IQSEC2: variants seen among roughly 807,000 people sequenced by gnomAD.
IQSEC2 encodes IQ motif and Sec7 domain ArfGEF 2.
Under a neutral mutation model 74.6 loss-of-function variants are expected in IQSEC2, and 6 were observed. That is an observed-to-expected ratio of 0.08 (90% CI 0.04 to 0.16). The LOEUF is 0.16. Among genes scored for constraint, IQSEC2 ranks in the 10% least tolerant of loss-of-function variants. The pLI, the probability that IQSEC2 is intolerant of heterozygous loss-of-function variation, is 1.00. For synonymous variants in IQSEC2, 494 were observed against 544.5 expected (o/e 0.91, Z 1.29); for missense variants, 734 against 1,306.2 (o/e 0.56, Z 6.75).
Position 53,256,470 on chromosome X carries a change from C to A in IQSEC2, c.738-409G>T, listed in dbSNP as rs782361154. ...CCCTTACAGCTCCATCCCCTCCTGGCCTTGTCCCCAACGCAGTGCTCGCTG... is the reference window on the plus strand; with the variant it reads ...CCCTTACAGCTCCATCCCCTCCTGGACTTGTCCCCAACGCAGTGCTCGCTG... On this transcript the variant is annotated intron_variant, in intron 2 of 14. Transcript: ENST00000642864. 7.2e-5 allele frequency among the ~76,000 whole-genome samples: 8 copies of A among 110,783 alleles called. No homozygotes were observed. The East Asian group carries it at 1.4e-3, about 20-fold the overall frequency.
chrX:53,235,880 CT>C lies in IQSEC2; in HGVS notation c.3452-49del, dbSNP rs782184377. 1,138 of 1,116,100 alleles carry C rather than the reference CT, an allele frequency of 1.0e-3. 6 individuals are homozygous for C. The highest frequency in any genetic ancestry group is 1.9e-3 in the South Asian group (95 of 49,606). 92.0% of individuals were successfully genotyped at this position (1,116,100 alleles called of 1,213,427 possible). A position where few individuals can be genotyped will look rare whatever the true frequency, so the allele number is the denominator to read the frequency against. On this transcript the variant is annotated intron_variant, in intron 13 of 14. Coordinates refer to ENST00000642864, the MANE Select transcript of IQSEC2 (RefSeq NM_001111125.3). ...CAGCGTCAGAGCAGCAACCCCCCCC[CT>C]ACCCTGCTGGGCTCCAGAGCTGGGC...
chrX:53,288,621 A>G (rs187874488), intron 2 of IQSEC2, among the ~76,000 whole-genome samples: 418 of 112,125 alleles, frequency 3.7e-3, no homozygotes, highest in African/African-American at 0.013. Context: ...ACTATATAGC[A>G]TATGACAATG....
In IQSEC2 at chrX:53,255,865, C is replaced by T; in HGVS notation, c.934G>A (p.Glu312Lys). 8.3e-7 allele frequency: 1 copy of T among 1,202,006 alleles called. No homozygotes were observed. The highest frequency in any genetic ancestry group is 1.1e-6 in the Non-Finnish European group (1 of 887,416). ...GATAGGGCCTTGGAGCGCTTTATCTCCTCCTCCTCCTGCTTCCTCAGGGCG... is the reference window on the plus strand; with the variant it reads ...GATAGGGCCTTGGAGCGCTTTATCTTCTCCTCCTCCTGCTTCCTCAGGGCG... Reference protein sequence around the residue: ...SVALRKQEEEEIKRSKALSDS... With the variant: ...SVALRKQEEEKIKRSKALSDS... The change falls in exon 3 of 15, where the codon GAG becomes AAG. Residue 312 changes from glutamate (E) to lysine (K), a missense_variant. This residue lies in a region of IQSEC2 where 54 missense variants were observed against 62.1 expected (regional missense o/e 0.87). Coordinates refer to ENST00000642864, the MANE Select transcript of IQSEC2 (RefSeq NM_001111125.3).
chrX:53,270,122 C>CAAA (rs1556868411), intron 2 of IQSEC2, among the ~76,000 whole-genome samples: 1 of 110,957 alleles, frequency 9.0e-6, no homozygotes, highest in Non-Finnish European at 1.9e-5. Flanking sequence ...TTTGGGCCTT[C>CAAA]AGCTCTCATA....
chrX:53,310,923 C>G (rs1352295632), intron 1 of IQSEC2, among the ~76,000 whole-genome samples: 3 of 107,383 alleles, frequency 2.8e-5, no homozygotes, highest in African/African-American at 1.0e-4. Context: ...GAGTTCGAGA[C>G]TAGCCTGACC....
At chrX:53,312,750 A>C (rs1027356027) in intron 1 of IQSEC2, among the ~76,000 whole-genome samples, 7 of 112,048 alleles carry the variant, frequency 6.2e-5, no homozygotes, top group African/African-American at 2.3e-4. Context: ...TTATAAGAAA[A>C]TGTGGGGGAA....
intron 2 of IQSEC2, chrX:53,266,409 T>A (rs1195068602): frequency 1.5e-5 from 11 of 751,613 alleles, no homozygotes; most frequent in Non-Finnish European, 1.7e-5. Flanking sequence ...CTGATAATAT[T>A]TACAGAGCAC....
At chrX:53,305,767 C>G (rs782487034) in intron 1 of IQSEC2, among the ~76,000 whole-genome samples, 18 of 111,406 alleles carry the variant, frequency 1.6e-4, no homozygotes, top group African/African-American at 5.5e-4. Flanking sequence ...ATCCCAGAGC[C>G]AAGTGGCACT....
chrX:53,236,487 C>T lies in IQSEC2; in HGVS notation c.3286G>A (p.Glu1096Lys). 8.4e-7 allele frequency: 1 copy of T among 1,195,118 alleles called. No individual in the cohort carries two copies. Among genetic ancestry groups the T allele is most frequent in the Non-Finnish European group, 1.1e-6 (1 of 886,581 alleles). Residue 1096 changes from glutamate (E) to lysine (K), a missense_variant, in exon 13 of 15, where the codon GAG becomes AAG. Around this residue, in one of 12 missense-constraint regions of IQSEC2, gnomAD observed 249 missense variants for 467.9 expected, o/e 0.53. Transcript: ENST00000642864. The part of the protein sequence containing the change: ...MEKYRVESEL[E>K]KQKGMMRPNA... The stretch of plus-strand genomic sequence containing the variant: ...GGCCGCATCATACCTTTCTGCTTCT[C>T]CAGCTCCGCTGGGTGGCAGTCGGGG...
At chrX:53,307,090 T>C (rs1556876808) in intron 1 of IQSEC2, among the ~76,000 whole-genome samples, 1 of 109,455 alleles carries the variant, frequency 9.1e-6, no homozygotes, top group African/African-American at 3.3e-5. Context: ...TTAAACTATC[T>C]AGGATGAGTC....
chrX:53,280,113 C>T lies in IQSEC2; in HGVS notation c.737+11782G>A, dbSNP rs782692613. Among the ~76,000 whole-genome samples, 320 of 104,303 alleles carry T rather than the reference C, an allele frequency of 3.1e-3. 2 individuals are homozygous for T. Among genetic ancestry groups the T allele is most frequent in the African/African-American group, 0.011 (301 of 28,229 alleles). The allele number at this position is 104,303 out of a possible 115,157, so 90.6% of individuals were successfully genotyped here. A position where few individuals can be genotyped will look rare whatever the true frequency, so the allele number is the denominator to read the frequency against. ...TCCGTGGGGACCTCAGCCACAGAGA[C>T]GCTGGGACACCACAGTAGGGAAGGG... is the stretch of plus-strand genomic sequence containing the variant. On this transcript the variant is annotated intron_variant, in intron 2 of 14. Coordinates refer to ENST00000642864, the MANE Select transcript of IQSEC2 (RefSeq NM_001111125.3).
In IQSEC2 at chrX:53,251,055, G is replaced by A. The variant is rs148197545; in HGVS notation, c.1521C>T (p.Asp507=). 8.3e-7 allele frequency: 1 copy of A among 1,211,752 alleles called. No homozygotes were observed. Among genetic ancestry groups the A allele is most frequent in the African/African-American group, 1.7e-5 (1 of 57,752 alleles). ...EKRESKEQQE[D]SSATSFSDLP... is the part of the protein sequence containing the mutation. ...GATCACTGAAGGATGTGGCTGAGCT[G>A]TCCTCTTGCTGTTCCTTTGACTCCC... Residue 507 remains aspartate (D), a synonymous_variant, in exon 5 of 15, where the codon GAC becomes GAT. Transcript: ENST00000642864.
intron 1 of IQSEC2, among the ~76,000 whole-genome samples, chrX:53,296,798 G>A (rs2075157741): frequency 1.8e-5 from 2 of 111,075 alleles, no homozygotes; most frequent in Admixed American, 9.6e-5. Flanking sequence ...CTGACCTCAA[G>A]TGATCTGCCC....
Position 53,250,188 on chromosome X carries a change from C to T in IQSEC2, c.2297+91G>A, listed in dbSNP as rs782625524. 32 of 960,877 alleles carry T rather than the reference C, an allele frequency of 3.3e-5. No individual in the cohort carries two copies. In the East Asian group the frequency reaches 4.3e-4, roughly 13 times the overall value. The allele number at this position is 960,877 out of a possible 1,213,427, so 79.2% of individuals were successfully genotyped here. ...TCCACAAAATGAAAGGATGGCAGAACGGGGATCACTGTGTGGAGTTCTGTC... is the reference window on the plus strand; with the variant it reads ...TCCACAAAATGAAAGGATGGCAGAATGGGGATCACTGTGTGGAGTTCTGTC... On this transcript the variant is annotated intron_variant, in intron 5 of 14. Transcript: ENST00000642864.
chrX:53,254,103 G>A, intron 4 of IQSEC2, among the ~76,000 whole-genome samples: 1 of 111,547 alleles, frequency 9.0e-6, no homozygotes, highest in Non-Finnish European at 1.9e-5. Flanking sequence ...GGTGATGGCA[G>A]GTGGATCACC....
chrX:53,320,854 C>G lies in IQSEC2; in HGVS notation c.270G>C (p.Gln90His). The change falls in exon 1 of 15, where the codon CAG becomes CAC. Residue 90 changes from glutamine (Q) to histidine (H), a missense_variant. Around this residue, in one of 12 missense-constraint regions of IQSEC2, gnomAD observed 134 missense variants for 214.9 expected, o/e 0.62. Coordinates refer to ENST00000642864, the MANE Select transcript of IQSEC2 (RefSeq NM_001111125.3). ...GGTGGAACTGGGTCTCGCGCAGGTT[C>G]TGGTACTGGCTCTCGCGGCCCGGGC... is the stretch of plus-strand genomic sequence containing the variant. ...RDSPGRESQY[Q>H]NLRETQFHHR... 15 of 1,164,072 alleles carry G rather than the reference C, an allele frequency of 1.3e-5. No homozygotes were observed. The highest frequency in any genetic ancestry group is 1.8e-5 in the African/African-American group (1 of 55,780).
downstream of IQSEC2, chrX:53,231,679 A>G (rs1556858413): frequency 8.9e-6 from 1 of 112,046 alleles, no homozygotes; most frequent in Non-Finnish European, 1.9e-5. Flanking sequence ...TGCAACCAGA[A>G]TCAAGTTGAA....
At chrX:53,293,310 G>A (rs1156615374) in intron 1 of IQSEC2, among the ~76,000 whole-genome samples, 1 of 111,509 alleles carries the variant, frequency 9.0e-6, no homozygotes, top group East Asian at 2.8e-4. Flanking sequence ...GGTGGGCTGC[G>A]GTGAGAGTCA....
rs142459217 is a variant in IQSEC2 at position 53,257,672 on chromosome X, C to G, written c.738-1611G>C. ...ACCATCATCTATAACTTCCACTGCT[C>G]AGAAGAGATAGCCCAAGTCCCTTAT... On this transcript the variant is annotated intron_variant, in intron 2 of 14. Transcript: ENST00000642864. Among the ~76,000 whole-genome samples the G allele has an allele frequency of 1.2e-3, 135 of 112,221 alleles. 1 individual carries two copies. The highest frequency in any genetic ancestry group is 4.6e-3 in the Middle Eastern group (1 of 219).
Sources: gnomAD v4.1 joint callset for allele counts (sites outside exome capture counted in the v4.1 genomes callset) on GRCh38, gnomAD v4.1.1 for gene constraint, gnomAD v4.1.1 regional missense constraint, MANE v1.5 for transcripts, NCBI Gene and HGNC (gene_info 2026-07-23, HGNC 2026-07-21) for gene names.